Variants in DOCK1 observed in about 807,000 individuals in gnomAD.
DOCK1 encodes the protein dedicator of cytokinesis protein 1.
A neutral mutation model predicts 262.7 loss-of-function variants in DOCK1; 138 were observed. That is an observed-to-expected ratio of 0.53 (90% CI 0.46 to 0.61). The LOEUF (loss-of-function observed/expected upper bound fraction) is 0.61, where lower values mean the gene tolerates loss of function less well. DOCK1 is among the 20% of genes least tolerant of loss of function. DOCK1 has a pLI of 0.00. For synonymous variants in DOCK1, 866 were observed against 867.4 expected (o/e 1.00, Z 0.03); for missense variants, 1,908 against 2,370.7 (o/e 0.80, Z 4.05).
At chr10:127,023,684 C>T (rs753101494) in intron 14 of DOCK1, among the ~76,000 whole-genome samples, 51 of 151,966 alleles carry the variant, frequency 3.4e-4, no homozygotes, top group Admixed American at 2.8e-3. Flanking sequence ...ATAATCCGCC[C>T]GCCTTGGCCT....
In DOCK1 at chr10:127,131,490, C is replaced by T. The variant is rs917834922; in HGVS notation, c.2847+3726C>T. ...AGTGATGACAACATCAAGATGTTTT[C>T]AAGAAGGGTGTTTGCCACTGAAAAT... On this transcript the variant is annotated intron_variant, in intron 27 of 51. Coordinates refer to ENST00000623213, the MANE Select transcript of DOCK1 (RefSeq NM_001290223.2). Among the ~76,000 whole-genome samples, 3 of 152,184 alleles carry T rather than the reference C, an allele frequency of 2.0e-5. No individual in the cohort carries two copies. In the East Asian group the frequency reaches 5.8e-4, roughly 29 times the overall value.
chr10:127,304,208 G>A (rs1302859380), intron 29 of DOCK1, among the ~76,000 whole-genome samples: 1 of 152,162 alleles, frequency 6.6e-6, no homozygotes, highest in East Asian at 1.9e-4. Context: ...AGCTGAGGCT[G>A]CGGAGCAGTC....
intron 27 of DOCK1, among the ~76,000 whole-genome samples, chr10:127,130,102 GAGATAGAGTCT>G (rs1251176459): frequency 8.8e-6 from 1 of 113,284 alleles, no homozygotes; most frequent in Non-Finnish European, 1.6e-5. Context: ...TTTTTCCCCT[GAGATAGAGTCT>G]TGCTCTGTCG....
At chr10:127,073,126 G>A (rs866114514) in intron 23 of DOCK1, among the ~76,000 whole-genome samples, 54 of 152,316 alleles carry the variant, frequency 3.5e-4, no homozygotes, top group African/African-American at 1.3e-3. Context: ...GCAGCATTGA[G>A]GCCTATTTTG....
Position 127,026,403 on chromosome 10 carries a change from C to T in DOCK1, c.1603C>T (p.Arg535Cys), listed in dbSNP as rs201574191. 400 of 1,579,642 alleles carry T rather than the reference C, an allele frequency of 2.5e-4. 1 individual carries two copies. Among genetic ancestry groups the T allele is most frequent in the Non-Finnish European group, 3.2e-4 (377 of 1,161,436 alleles). ...CCGCAGTCACCTTCGGTTTACCTTC[C>T]GCCACAGGTCATCACAGGACTGTGA... ...VNRSHLRFTF[R>C]HRSSQDSKDK... Residue 535 changes from arginine (R) to cysteine (C), a missense_variant, in exon 16 of 52, where the codon CGC (arginine) becomes TGC (cysteine). Physicochemically the swap from Arg to Cys is radical, Grantham distance 180. This residue lies in a region of DOCK1 where 294 missense variants were observed against 439.9 expected (regional missense o/e 0.67). Transcript: ENST00000623213.
intron 27 of DOCK1, among the ~76,000 whole-genome samples, chr10:127,189,279 T>C (rs79760849): frequency 0.015 from 2,303 of 152,318 alleles, 16 homozygotes; most frequent in Non-Finnish European, 0.024. Flanking sequence ...GATGCTTCCA[T>C]GTGGAATTAT....
chr10:126,961,950 C>T (rs912324855), intron 1 of DOCK1, among the ~76,000 whole-genome samples: 20 of 152,176 alleles, frequency 1.3e-4, no homozygotes, highest in Admixed American at 6.5e-5. Context: ...TGCAGAGTTC[C>T]AGTTTCTTCG....
At chr10:127,116,915 AAAT>A (rs1344316763) in intron 25 of DOCK1, among the ~76,000 whole-genome samples, 3 of 152,186 alleles carry the variant, frequency 2.0e-5, no homozygotes, top group Admixed American at 6.5e-5. Context: ...TGATTCTTTT[AAAT>A]AATGGTGGAA....
At chr10:126,958,339 G>A (rs1254983509) in intron 1 of DOCK1, among the ~76,000 whole-genome samples, 2 of 152,222 alleles carry the variant, frequency 1.3e-5, no homozygotes, top group East Asian at 1.9e-4. Context: ...TGTGTAATAC[G>A]CAGGAATGTT....
chr10:127,106,333 C>T (rs776485918), intron 24 of DOCK1, 32 bp downstream of exon 24: 35 of 1,573,144 alleles, frequency 2.2e-5, no homozygotes, highest in South Asian at 1.1e-4. Context: ...ATGCTTGTCA[C>T]GTGCCGTGTG....
At chr10:127,000,814 T>C (rs12766653) in intron 10 of DOCK1, 8 of 135,020 alleles carry the variant, frequency 5.9e-5, no homozygotes, top group South Asian at 2.1e-4. Flanking sequence ...TGTTGGTGCT[T>C]TTCCTCTGCC....
intron 27 of DOCK1, among the ~76,000 whole-genome samples, chr10:127,164,561 T>C (rs2053911761): frequency 6.6e-6 from 1 of 152,218 alleles, no homozygotes; most frequent in Admixed American, 6.5e-5. Flanking sequence ...AGAGCCATCA[T>C]GCATGATGAA....
At chr10:127,177,162 A>G (rs1283661834) in intron 27 of DOCK1, 1 of 152,152 alleles carries the variant, frequency 6.6e-6, no homozygotes, top group African/African-American at 2.4e-5. Context: ...AATAAAAGAA[A>G]TTACTCATTC....
chr10:127,344,657 T>A (rs2063556070), intron 31 of DOCK1: 1 of 152,220 alleles, frequency 6.6e-6, no homozygotes, highest in African/African-American at 2.4e-5. Flanking sequence ...TATCTCACTT[T>A]CAAGGCAAAT....
rs1172932223 is a variant in DOCK1, at chr10:127,012,338, GTCA to G, written c.1168_1170del (p.Ile390del). 6 of 1,613,884 alleles carry G rather than the reference GTCA, an allele frequency of 3.7e-6. No individual in the cohort carries two copies. Among genetic ancestry groups the G allele is most frequent in the Non-Finnish European group, 5.1e-6 (6 of 1,179,902 alleles). On this transcript the variant is annotated inframe_deletion, in exon 12 of 52. Coordinates refer to ENST00000623213, the MANE Select transcript of DOCK1 (RefSeq NM_001290223.2). This position sits in a 1 kb window ranked among gnomAD's most constrained non-coding sequence, Gnocchi z 4.0. ...CTTCCTTCAGACTGTTATAAACAAA[GTCA>G]TCGCTGCCAAAGAAGTCAACCACAA...
intron 23 of DOCK1, among the ~76,000 whole-genome samples, chr10:127,072,819 G>A (rs1038090491): frequency 1.3e-5 from 2 of 152,118 alleles, no homozygotes; most frequent in African/African-American, 2.4e-5. Flanking sequence ...CTAAAGGGAC[G>A]GGCAGAGAAC....
At chr10:127,241,066 G>T (rs183120126) in intron 27 of DOCK1, among the ~76,000 whole-genome samples, 6 of 152,314 alleles carry the variant, frequency 3.9e-5, no homozygotes, top group Non-Finnish European at 8.8e-5. Flanking sequence ...GCTCACGCCT[G>T]TAATCCCAAT....
chr10:127,195,796 C>A (rs918120620), intron 27 of DOCK1, among the ~76,000 whole-genome samples: 5 of 152,158 alleles, frequency 3.3e-5, no homozygotes, highest in Admixed American at 6.5e-5. Flanking sequence ...CCTTGCCCCC[C>A]ACCTGCGACC....
At chr10:126,982,039 G>T in intron 4 of DOCK1, 66 bp downstream of exon 4, 1 of 1,534,714 alleles carries the variant, frequency 6.5e-7, no homozygotes, top group Non-Finnish European at 9.0e-7. Flanking sequence ...CTGCTCTTTT[G>T]TACGATGGCG....
Sources: allele counts gnomAD v4.1 joint callset (sites outside exome capture counted in the v4.1 genomes callset), GRCh38; gene constraint gnomAD v4.1.1; regional missense constraint gnomAD v4.1.1; non-coding constraint Gnocchi (gnomAD v3.1); transcripts MANE v1.5; gene names NCBI Gene and HGNC (gene_info 2026-07-23, HGNC 2026-07-21).